The following FNBP1 variants were observed in gnomAD, a reference collection of about 807,000 sequenced individuals.
The protein encoded by FNBP1 is formin-binding protein 1.
A neutral mutation model predicts 90.6 loss-of-function variants in FNBP1; 26 were observed. That is an observed-to-expected ratio of 0.29 (90% CI 0.21 to 0.40). The LOEUF (loss-of-function observed/expected upper bound fraction) is 0.40, where lower values mean the gene tolerates loss of function less well. Ranked by LOEUF, FNBP1 falls within the 10% of genes least tolerant of loss-of-function variation. FNBP1 has a pLI of 1.00. For synonymous variants in FNBP1, 260 were observed against 265.2 expected, an observed-to-expected ratio of 0.98 and a Z score of 0.19; for missense variants, 635 against 768.0, an observed-to-expected ratio of 0.83 and a Z score of 2.05.
At chr9:130,038,652 C>T (rs1394051592) in intron 1 of FNBP1, among the ~76,000 whole-genome samples, 1 of 152,120 alleles carries the variant, frequency 6.6e-6, no homozygotes, top group African/African-American at 2.4e-5. Context: ...GCCTTGGCCT[C>T]CCAAAGTTCT....
At chr9:130,037,598 GAAC>G (rs898882136) in intron 1 of FNBP1, among the ~76,000 whole-genome samples, 3 of 152,094 alleles carry the variant, frequency 2.0e-5, no homozygotes, top group Admixed American at 6.6e-5. Flanking sequence ...TAAGTAGAAT[GAAC>G]AACAGAGAAG....
chr9:130,000,323 T>C (rs1457095260), intron 1 of FNBP1, among the ~76,000 whole-genome samples: 1 of 152,046 alleles, frequency 6.6e-6, no homozygotes, highest in Non-Finnish European at 1.5e-5. Context: ...AAACCCCGTC[T>C]TTACTAAAAA....
intron 1 of FNBP1, chr9:130,013,896 C>G: frequency 4.6e-6 from 2 of 431,270 alleles, no homozygotes; most frequent in South Asian, 3.3e-5. Context: ...AGGCCTTCAA[C>G]TGGTGCCAGC....
chr9:129,919,627 T>C (rs968713850), intron 10 of FNBP1, among the ~76,000 whole-genome samples: 3 of 152,236 alleles, frequency 2.0e-5, no homozygotes, highest in Non-Finnish European at 4.4e-5. Flanking sequence ...AAATAACATT[T>C]TATCCTGTTT....
chr9:130,025,179 CAAA>C (rs36033580), intron 1 of FNBP1, among the ~76,000 whole-genome samples: 1 of 145,052 alleles, frequency 6.9e-6, no homozygotes, highest in Non-Finnish European at 1.5e-5. Flanking sequence ...GACTCTATCT[CAAA>C]AAAAAAAATA....
intron 2 of FNBP1, among the ~76,000 whole-genome samples, chr9:129,994,218 C>T (rs1503373): frequency 0.97 from 147,513 of 152,268 alleles, 71,637 homozygotes; most frequent in East Asian, 1. Flanking sequence ...CAGACCAAAA[C>T]ACTCAACAGC....
intron 1 of FNBP1, among the ~76,000 whole-genome samples, chr9:130,022,241 T>C (rs748352159): frequency 6.6e-6 from 1 of 151,862 alleles, no homozygotes. Flanking sequence ...AGTCTCACTC[T>C]ATCACCAGGC....
At chr9:130,015,807 T>C (rs1024452154) in intron 1 of FNBP1, among the ~76,000 whole-genome samples, 3 of 152,178 alleles carry the variant, frequency 2.0e-5, no homozygotes, top group African/African-American at 7.2e-5. Flanking sequence ...CCTGAGTAGC[T>C]GGGACTACAG....
At chr9:129,931,329 C>T (rs1009962644) in intron 6 of FNBP1, among the ~76,000 whole-genome samples, 26 of 151,882 alleles carry the variant, frequency 1.7e-4, no homozygotes, top group African/African-American at 5.1e-4. Flanking sequence ...ATTGGCTGGG[C>T]GCGGTGGCTC....
rs1427932236 is a variant in FNBP1, at chr9:129,973,791, C to G, written c.345+4674G>C. ...GTGCTGGGATTACAGGCATGAGCCA[C>G]CGCGCCTGGCCTCTTCTTTTTTTTT... On this transcript the variant is annotated intron_variant, in intron 4 of 16. Transcript: ENST00000446176. Among the ~76,000 whole-genome samples, 7 of 150,360 alleles carry G rather than the reference C, an allele frequency of 4.7e-5. No individual in the cohort carries two copies. In the Admixed American group the frequency reaches 4.7e-4, roughly 10 times the overall value.
At chr9:129,894,075 G>A (rs1218301272) in intron 16 of FNBP1, among the ~76,000 whole-genome samples, 2 of 152,156 alleles carry the variant, frequency 1.3e-5, no homozygotes, top group East Asian at 3.9e-4. Flanking sequence ...GCTTTAAATG[G>A]ACTTGAGCTG....
chr9:130,027,044 A>C (rs537709840), intron 1 of FNBP1, among the ~76,000 whole-genome samples: 3 of 152,198 alleles, frequency 2.0e-5, no homozygotes, highest in South Asian at 4.1e-4. Flanking sequence ...GGCATGGCTC[A>C]TATTTCAAGG....
intron 1 of FNBP1, among the ~76,000 whole-genome samples, chr9:130,037,221 A>G (rs536266926): frequency 6.6e-6 from 1 of 151,082 alleles, no homozygotes; most frequent in South Asian, 2.1e-4. Context: ...TTGGCAGGGC[A>G]TGGTGGTGGG....
chr9:129,996,188 G>A (rs1393904), intron 1 of FNBP1, among the ~76,000 whole-genome samples: 129,709 of 152,184 alleles, frequency 0.85, 55,573 homozygotes, highest in East Asian at 0.89. Flanking sequence ...GTCCAGAAGA[G>A]AGCTGGAAAC....
At chr9:129,948,426 G>A (rs1472869496) in intron 6 of FNBP1, among the ~76,000 whole-genome samples, 3 of 128,654 alleles carry the variant, frequency 2.3e-5, no homozygotes, top group Non-Finnish European at 4.7e-5. Context: ...GTGCAGTGGC[G>A]TGATCTCGGC....
At chr9:130,038,383 A>G (rs1437872275) in intron 1 of FNBP1, among the ~76,000 whole-genome samples, 6 of 147,334 alleles carry the variant, frequency 4.1e-5, no homozygotes, top group Non-Finnish European at 7.5e-5. Flanking sequence ...AAGACATACA[A>G]TCAACACAGG....
At chr9:129,952,360 G>A (rs1262606606) in intron 6 of FNBP1, among the ~76,000 whole-genome samples, 3 of 152,044 alleles carry the variant, frequency 2.0e-5, no homozygotes, top group African/African-American at 4.8e-5. Context: ...TTAGCCGGGT[G>A]TGGTGGCAGG....
the FNBP1 span, chr9:130,053,486 T>C: frequency 5.5e-6 from 1 of 182,960 alleles, no homozygotes; most frequent in Non-Finnish European, 1.2e-5. Context: ...ACAGGACCCC[T>C]ACGGCGAGCC....
At chr9:129,993,623 A>C (rs2053546551) in intron 2 of FNBP1, among the ~76,000 whole-genome samples, 2 of 66,284 alleles carry the variant, frequency 3.0e-5, no homozygotes, top group Middle Eastern at 9.6e-3. Context: ...GCCCCAAAGC[A>C]CTTTTTTTTT....
Sources: allele counts gnomAD v4.1 joint callset (sites outside exome capture counted in the v4.1 genomes callset), GRCh38; gene constraint gnomAD v4.1.1; transcripts MANE v1.5; gene names NCBI Gene and HGNC (gene_info 2026-07-23, HGNC 2026-07-21).